Variants in MCPH1 observed in about 807,000 individuals in gnomAD.
The protein encoded by MCPH1 is microcephalin 1, also known as microcephalin.
A neutral mutation model predicts 84.5 loss-of-function variants in MCPH1; 104 were observed. The observed-to-expected ratio is 1.23, with a 90% CI of 1.05 to 1.45. MCPH1 has a LOEUF of 1.45. Ranked by LOEUF, MCPH1 falls within the 40% of genes most tolerant of loss-of-function variation. The pLI, the probability that MCPH1 is intolerant of heterozygous loss-of-function variation, is 0.00. For missense variants in MCPH1, 1,498 were observed against 1,005.7 expected (o/e 1.49, Z -6.62); for synonymous variants, 514 against 366.8 (o/e 1.40, Z -4.58).
intron 12 of MCPH1, among the ~76,000 whole-genome samples, chr8:6,553,051 G>T (rs2922864): frequency 0.14 from 21,183 of 152,062 alleles, 4,170 homozygotes; most frequent in African/African-American, 0.44. Flanking sequence ...TTCATACATT[G>T]GTCCAAACCC....
intron 12 of MCPH1, among the ~76,000 whole-genome samples, chr8:6,601,211 A>T (rs1251576418): frequency 6.6e-6 from 1 of 152,054 alleles, no homozygotes; most frequent in Non-Finnish European, 1.5e-5. Context: ...TGCAGCTTCC[A>T]CCCTCACAGC....
chr8:6,528,304 G>A (rs966710420), intron 12 of MCPH1, among the ~76,000 whole-genome samples: 4 of 152,178 alleles, frequency 2.6e-5, no homozygotes, highest in African/African-American at 4.8e-5. Flanking sequence ...CATACAATGA[G>A]ACAAGTAGGA....
At chr8:6,476,778 G>A (rs576788601) in intron 9 of MCPH1, among the ~76,000 whole-genome samples, 16 of 152,242 alleles carry the variant, frequency 1.1e-4, no homozygotes, top group Middle Eastern at 6.8e-3. Context: ...ATACTACACA[G>A]TTGGTTACAT....
chr8:6,568,359 G>A (rs1273721922), intron 12 of MCPH1, among the ~76,000 whole-genome samples: 2 of 151,954 alleles, frequency 1.3e-5, no homozygotes. Flanking sequence ...GGTTCCCCCA[G>A]AGCAATCCGT....
At position 6,499,914 on chromosome 8, in the gene MCPH1, C is replaced by G. The variant is rs202015253; in HGVS notation, c.2199C>G (p.His733Gln). The G allele has an allele frequency of 1.0e-4, 169 of 1,613,686 alleles. 2 individuals are homozygous for G. Among genetic ancestry groups the G allele is most frequent in the South Asian group, 9.1e-4 (83 of 91,060 alleles). The change falls in exon 12 of 14, where the codon CAC (histidine) becomes CAG (glutamine). Residue 733 changes from histidine to glutamine, a missense_variant. Physicochemically the swap from His to Gln is conservative, Grantham distance 24 (BLOSUM62 0). Transcript: ENST00000344683. The part of the protein sequence containing the change: ...ISEEPFELSH[H>Q]FPAAPLCRSE... The stretch of plus-strand genomic sequence containing the variant: ...AGGAGCCGTTCGAACTGTCTCACCA[C>G]TTCCCTGCAGCTCCCGTAAGTCAGA...
chr8:6,559,888 A>G (rs1247475046), intron 12 of MCPH1, among the ~76,000 whole-genome samples: 1 of 152,204 alleles, frequency 6.6e-6, no homozygotes, highest in African/African-American at 2.4e-5. Context: ...TTTAACTACT[A>G]CACAGTGAGT....
At chr8:6,421,405 T>A (rs1200313144) in intron 3 of MCPH1, among the ~76,000 whole-genome samples, 1 of 152,136 alleles carries the variant, frequency 6.6e-6, no homozygotes, top group Non-Finnish European at 1.5e-5. Context: ...AACACATGGA[T>A]CAGCTTTATC....
At chr8:6,583,712 T>C (rs1827748715) in intron 12 of MCPH1, among the ~76,000 whole-genome samples, 2 of 151,994 alleles carry the variant, frequency 1.3e-5, no homozygotes, top group Admixed American at 1.3e-4. Flanking sequence ...GTCTTATAAA[T>C]AGTTCTCCAA....
chr8:6,435,776 C>G (rs572841774), intron 4 of MCPH1, among the ~76,000 whole-genome samples: 7 of 152,272 alleles, frequency 4.6e-5, no homozygotes, highest in Admixed American at 2.6e-4. Context: ...TGGCTAAAAA[C>G]TTTCATGGAA....
intron 12 of MCPH1, among the ~76,000 whole-genome samples, chr8:6,551,119 G>C (rs1823574089): frequency 6.6e-6 from 1 of 152,194 alleles, no homozygotes. Context: ...CTGGGCCCCT[G>C]ACTCGAAGCT....
At position 6,427,567 on chromosome 8, in the gene MCPH1, C is replaced by T. The variant is rs959864384; in HGVS notation, c.234-3932C>T. On this transcript the variant is annotated intron_variant, in intron 3 of 13. Coordinates refer to ENST00000344683, the MANE Select transcript of MCPH1 (RefSeq NM_024596.5). ...ATTTTTATTTTTATTTTTGTAGAGA[C>T]GGCATTCTTGCTACGTTGCCCCCAC... is the stretch of plus-strand genomic sequence containing the variant. Among the ~76,000 whole-genome samples the T allele has an allele frequency of 1.8e-4, 28 of 151,944 alleles. 2 individuals carry two copies. Among genetic ancestry groups the T allele is most frequent in the African/African-American group, 4.8e-4 (20 of 41,408 alleles).
chr8:6,415,592 G>C lies in MCPH1; in HGVS notation c.233+709G>C, dbSNP rs533171876. On this transcript the variant is annotated intron_variant, in intron 3 of 13. Coordinates refer to ENST00000344683, the MANE Select transcript of MCPH1 (RefSeq NM_024596.5). ...TGGTTTCAAACTTCTGACCTCAGGTGATCCACCTGCCTCGGCCTCCCAAAG... is the reference window on the plus strand; with the variant it reads ...TGGTTTCAAACTTCTGACCTCAGGTCATCCACCTGCCTCGGCCTCCCAAAG... 3.0e-3 allele frequency among the ~76,000 whole-genome samples: 458 copies of C among 152,252 alleles called. 1 individual carries two copies. Among genetic ancestry groups the C allele is most frequent in the Non-Finnish European group, 5.1e-3 (348 of 68,016 alleles).
At chr8:6,441,400 T>TC (rs1240524014) in intron 6 of MCPH1, among the ~76,000 whole-genome samples, 2 of 151,946 alleles carry the variant, frequency 1.3e-5, no homozygotes, top group Non-Finnish European at 2.9e-5. Flanking sequence ...TTTATTCTCT[T>TC]TTTTTGCTGA....
At chr8:6,503,888 A>C (rs939473447) in intron 12 of MCPH1, among the ~76,000 whole-genome samples, 11 of 152,214 alleles carry the variant, frequency 7.2e-5, no homozygotes, top group Non-Finnish European at 1.6e-4. Context: ...GGGCTTGGCC[A>C]AAAACAGGAG....
intron 8 of MCPH1, among the ~76,000 whole-genome samples, chr8:6,450,714 G>A (rs1207361429): frequency 6.6e-6 from 1 of 151,772 alleles, no homozygotes; most frequent in Non-Finnish European, 1.5e-5. Context: ...ATCTAATATT[G>A]GGCTGGATGA....
chr8:6,628,721 T>G (rs1045962620), intron 13 of MCPH1, among the ~76,000 whole-genome samples: 7 of 152,204 alleles, frequency 4.6e-5, no homozygotes, highest in Non-Finnish European at 8.8e-5. Context: ...CTGCAAACAC[T>G]CCCGTGCTTG....
chr8:6,598,490 G>T (rs1383599416), intron 12 of MCPH1, among the ~76,000 whole-genome samples: 2 of 152,206 alleles, frequency 1.3e-5, no homozygotes, highest in African/African-American at 4.8e-5. Flanking sequence ...CGTTGTCCAG[G>T]CTCCACCCGG....
chr8:6,531,934 G>C (rs1247884394), intron 12 of MCPH1, among the ~76,000 whole-genome samples: 1 of 152,212 alleles, frequency 6.6e-6, no homozygotes, highest in Non-Finnish European at 1.5e-5. Flanking sequence ...TTTAAGGCCA[G>C]AGTTTCTAGC....
Position 6,648,308 on chromosome 8 carries a change from T to G in MCPH1, c.*5259T>G, listed in dbSNP as rs528242015. On this transcript the variant is annotated 3_prime_UTR_variant, in exon 14 of 14. Transcript: ENST00000344683. ...CTGAGCCTGCTTCTACCCACTTTTA[T>G]TTTTCCCAGGAGTCACGCTTAGTCA... 3 of 152,274 alleles carry G rather than the reference T, an allele frequency of 2.0e-5. No individual in the cohort carries two copies. The highest frequency in any genetic ancestry group is 4.4e-5 in the Non-Finnish European group (3 of 68,086). The allele number at this position is 152,274 out of a possible 1,614,324, so 9.4% of individuals were successfully genotyped here.
Sources: allele counts gnomAD v4.1 joint callset (sites outside exome capture counted in the v4.1 genomes callset), GRCh38; gene constraint gnomAD v4.1.1; transcripts MANE v1.5; gene names NCBI Gene and HGNC (gene_info 2026-07-23, HGNC 2026-07-21).